LHCGR: variants seen among roughly 807,000 people sequenced by gnomAD.
LHCGR encodes the protein luteinizing hormone/choriogonadotropin receptor.
In LHCGR, 55 loss-of-function variants were observed where a neutral mutation model predicts 60.7. The ratio of observed to expected loss-of-function variants is 0.91; its 90% CI spans 0.73 to 1.13. The LOEUF is 1.13. Ranked by LOEUF, LHCGR falls within the 50% of genes most tolerant of loss-of-function variation. The pLI is 0.00. For missense variants in LHCGR, 862 were observed against 836.0 expected (o/e 1.03, Z -0.38); for synonymous variants, 337 against 316.5 (o/e 1.06, Z -0.69).
chr2:48,691,845 C>CAA (rs60937994), intron 10 of LHCGR, among the ~76,000 whole-genome samples: 42 of 88,262 alleles, frequency 4.8e-4, no homozygotes, highest in Non-Finnish European at 8.4e-4. Flanking sequence ...GATTCTGTCT[C>CAA]AAAAAAAAAA....
At chr2:48,745,236 A>C (rs1259227185) in intron 1 of LHCGR, among the ~76,000 whole-genome samples, 1 of 152,206 alleles carries the variant, frequency 6.6e-6, no homozygotes, top group Admixed American at 6.5e-5. Flanking sequence ...GAACACTTTT[A>C]CACTGTTGGT....
chr2:48,755,415 A>G, intron 1 of LHCGR, 96 bp downstream of exon 1: 1 of 796,440 alleles, frequency 1.3e-6, no homozygotes, highest in East Asian at 2.8e-5. Context: ...CCAAGCTTCC[A>G]GGGAAAGGGG....
chr2:48,692,244 T>A lies in LHCGR; in HGVS notation c.947+1980A>T, dbSNP rs554103589. On this transcript the variant is annotated intron_variant, in intron 10 of 10. Coordinates refer to ENST00000294954, the MANE Select transcript of LHCGR (RefSeq NM_000233.4). ...GAAAACAGTCCAGCTATTCCTGATT[T>A]CCTTTACTCCTTTCCCCTTATCAAA... 7.2e-5 allele frequency among the ~76,000 whole-genome samples: 11 copies of A among 152,344 alleles called. No homozygotes were observed. The South Asian group carries it at 2.3e-3, about 32-fold the overall frequency.
intron 7 of LHCGR, among the ~76,000 whole-genome samples, chr2:48,712,586 A>G (rs1269697742): frequency 6.6e-6 from 1 of 152,156 alleles, no homozygotes; most frequent in Non-Finnish European, 1.5e-5. Context: ...TAGGAGAACA[A>G]CTTAAAAAAT....
intron 7 of LHCGR, among the ~76,000 whole-genome samples, chr2:48,711,239 A>C (rs2104424933): frequency 6.6e-6 from 1 of 152,234 alleles, no homozygotes; most frequent in South Asian, 2.1e-4. Context: ...ATACTCTCTC[A>C]GATCTCAGTA....
chr2:48,745,988 G>A (rs13432488), intron 1 of LHCGR, among the ~76,000 whole-genome samples: 29,331 of 151,974 alleles, frequency 0.19, 4,841 homozygotes, highest in African/African-American at 0.43. Context: ...AGTTAAGAGC[G>A]CACACTCTGG....
Position 48,687,563 on chromosome 2 carries a change from A to C in LHCGR, c.*134T>G. 1 of 700,040 alleles carries C rather than the reference A, an allele frequency of 1.4e-6. No homozygotes were observed. Among genetic ancestry groups the C allele is most frequent in the Non-Finnish European group, 2.5e-6 (1 of 405,036 alleles). 43.4% of individuals were successfully genotyped at this position (700,040 alleles called of 1,614,324 possible). Reference sequence around the variant, plus strand: ...TCATAGACTACACTTTCTACTAGGTAGAGGTCTCTTGCCTAATGTACCTAA... The same window carrying C: ...TCATAGACTACACTTTCTACTAGGTCGAGGTCTCTTGCCTAATGTACCTAA... On this transcript the variant is annotated 3_prime_UTR_variant, in exon 11 of 11. Coordinates refer to ENST00000294954, the MANE Select transcript of LHCGR (RefSeq NM_000233.4).
intron 8 of LHCGR, among the ~76,000 whole-genome samples, chr2:48,708,511 C>T (rs1251896011): frequency 2.6e-5 from 4 of 151,422 alleles, no homozygotes; most frequent in Admixed American, 6.6e-5. Flanking sequence ...AATATGACTG[C>T]TATTCTTATT....
At chr2:48,743,443 A>T (rs1669563915) in intron 1 of LHCGR, among the ~76,000 whole-genome samples, 1 of 152,218 alleles carries the variant, frequency 6.6e-6, no homozygotes, top group Admixed American at 6.5e-5. Context: ...AAAAATCCTC[A>T]ATAAAATGCT....
At chr2:48,690,449 T>C (rs1273213346) in intron 10 of LHCGR, among the ~76,000 whole-genome samples, 1 of 152,226 alleles carries the variant, frequency 6.6e-6, no homozygotes. Flanking sequence ...AGAGTTGTGC[T>C]AAGAGTTGAA....
chr2:48,693,066 A>G (rs1572815134), intron 10 of LHCGR, among the ~76,000 whole-genome samples: 1 of 152,264 alleles, frequency 6.6e-6, no homozygotes, highest in East Asian at 1.9e-4. Flanking sequence ...TATTAACTAT[A>G]TCCATAAATG....
chr2:48,697,759 A>T (rs910366100), intron 9 of LHCGR, among the ~76,000 whole-genome samples: 7 of 152,190 alleles, frequency 4.6e-5, no homozygotes, highest in Non-Finnish European at 1.0e-4. Context: ...TGTTGTTCCA[A>T]CTGTGAGTTG....
Position 48,725,731 on chromosome 2 carries a change from T to A in LHCGR, c.328A>T (p.Asn110Tyr). Residue 110 changes from asparagine to tyrosine, a missense_variant, in exon 4 of 11, where the codon AAT (asparagine) becomes TAT (tyrosine). Coordinates refer to ENST00000294954, the MANE Select transcript of LHCGR (RefSeq NM_000233.4). ...GCTCCGGGCTCAATGTATCTCAGAT[T>A]TTTGGTGTTCTGGATCAGTCTGTAA... ...LSEILIQNTK[N>Y]LRYIEPGAFI... 6.2e-7 allele frequency: 1 copy of A among 1,612,970 alleles called. No homozygotes were observed. The highest frequency in any genetic ancestry group is 8.5e-7 in the Non-Finnish European group (1 of 1,179,112).
At position 48,713,476 on chromosome 2, in the gene LHCGR, A is replaced by T. The variant is rs374704897; in HGVS notation, c.605+510T>A. Among the ~76,000 whole-genome samples the T allele has an allele frequency of 6.6e-5, 10 of 152,282 alleles. No homozygotes were observed. The East Asian group carries it at 1.5e-3, about 24-fold the overall frequency. On this transcript the variant is annotated intron_variant, in intron 7 of 10. Coordinates refer to ENST00000294954, the MANE Select transcript of LHCGR (RefSeq NM_000233.4). ...TCTTCTTGAGTTAAAGGCTGTTAACATCAAGAACTGGGTAGGGTGTGGTGA... is the reference window on the plus strand; with the variant it reads ...TCTTCTTGAGTTAAAGGCTGTTAACTTCAAGAACTGGGTAGGGTGTGGTGA...
Position 48,688,988 on chromosome 2 carries a change from T to A in LHCGR, c.948-139A>T. On this transcript the variant is annotated intron_variant, in intron 10 of 10. Transcript: ENST00000294954. The surrounding 1 kb of genome is among the most constrained non-coding windows in gnomAD (Gnocchi z 5.2). ...TCAGCCTTACATTTATTTGTTAAAT[T>A]ATTTGAGAACTCTGATTTGATGTAG... 1.3e-6 allele frequency: 1 copy of A among 796,246 alleles called. No individual in the cohort carries two copies. Among genetic ancestry groups the A allele is most frequent in the Admixed American group, 2.4e-5 (1 of 41,984 alleles). 49.3% of individuals were successfully genotyped at this position (796,246 alleles called of 1,614,324 possible). A position where few individuals can be genotyped will look rare whatever the true frequency, so the allele number is the denominator to read the frequency against.
At chr2:48,702,875 T>G (rs1408124595) in intron 8 of LHCGR, among the ~76,000 whole-genome samples, 1 of 152,234 alleles carries the variant, frequency 6.6e-6, no homozygotes, top group African/African-American at 2.4e-5. Flanking sequence ...TGAACTAATT[T>G]ACAGTCCCAC....
At chr2:48,719,293 G>A (rs1668400188) in intron 6 of LHCGR, among the ~76,000 whole-genome samples, 1 of 152,156 alleles carries the variant, frequency 6.6e-6, no homozygotes, top group South Asian at 2.1e-4. Flanking sequence ...CTGCTTGGCT[G>A]GTTAGACACA....
At chr2:48,737,907 C>G (rs192385028) in intron 1 of LHCGR, among the ~76,000 whole-genome samples, 13 of 152,288 alleles carry the variant, frequency 8.5e-5, no homozygotes, top group Admixed American at 4.6e-4. Context: ...AGAGAAATGA[C>G]TTTTTTGAAA....
intron 6 of LHCGR, chr2:48,721,741 G>T (rs766548895): frequency 1.1e-4 from 52 of 470,716 alleles, no homozygotes; most frequent in Non-Finnish European, 2.1e-4. Flanking sequence ...TTCTTTAAGG[G>T]TGAGCTCCTT....
Sources: allele counts gnomAD v4.1 joint callset (sites outside exome capture counted in the v4.1 genomes callset), GRCh38; gene constraint gnomAD v4.1.1; non-coding constraint Gnocchi (gnomAD v3.1); transcripts MANE v1.5; gene names NCBI Gene and HGNC (gene_info 2026-07-23, HGNC 2026-07-21).